The following PI4KB variants were observed in gnomAD, a reference collection of about 807,000 sequenced individuals.
PI4KB encodes PtdIns 4-kinase beta.
Under a neutral mutation model 81.4 loss-of-function variants are expected in PI4KB, and 23 were observed. That is an observed-to-expected ratio of 0.28 (90% CI 0.20 to 0.40). The LOEUF (loss-of-function observed/expected upper bound fraction) is 0.40, where lower values mean the gene tolerates loss of function less well. Among genes scored for constraint, PI4KB ranks in the 10% least tolerant of loss-of-function variants. The pLI is 1.00. For synonymous variants in PI4KB, 381 were observed against 406.8 expected, an observed-to-expected ratio of 0.94 and a Z score of 0.76; for missense variants, 651 against 1,036.6, an observed-to-expected ratio of 0.63 and a Z score of 5.11.
chr1:151,295,326 G>C (rs1246273519), intron 9 of PI4KB, among the ~76,000 whole-genome samples: 1 of 152,198 alleles, frequency 6.6e-6, no homozygotes, highest in Non-Finnish European at 1.5e-5. Context: ...CTTCTCTGGG[G>C]TTGGTTTGGC....
Position 151,327,353 on chromosome 1 carries a change from C to T in PI4KB, c.-111G>A, listed in dbSNP as rs913456071. On this transcript the variant is annotated 5_prime_UTR_variant, in exon 1 of 12. Transcript: ENST00000368873. Reference sequence around the variant, plus strand: ...CCGCCTCAGCAGCAGCGACCGCTCCCGGGTTCCATTGGCCGCCTGCGCTTC... The same window carrying T: ...CCGCCTCAGCAGCAGCGACCGCTCCTGGGTTCCATTGGCCGCCTGCGCTTC... 1 of 397,692 alleles carries T rather than the reference C, an allele frequency of 2.5e-6. No individual in the cohort carries two copies. Among genetic ancestry groups the T allele is most frequent in the East Asian group, 3.6e-5 (1 of 27,814 alleles). The allele number at this position is 397,692 out of a possible 1,614,324, so 24.6% of individuals were successfully genotyped here.
At chr1:151,317,224 T>C (rs1648104259) in intron 1 of PI4KB, among the ~76,000 whole-genome samples, 3 of 150,496 alleles carry the variant, frequency 2.0e-5, no homozygotes, top group Admixed American at 2.0e-4. Context: ...ATTGCAACCT[T>C]GACCTCCTGG....
At chr1:151,316,868 G>A (rs1648041603) in intron 1 of PI4KB, among the ~76,000 whole-genome samples, 1 of 152,320 alleles carries the variant, frequency 6.6e-6, no homozygotes. Context: ...TGTCACCCAG[G>A]CTGGAGTGCA....
At chr1:151,307,459 T>C (rs1695868324) in intron 4 of PI4KB, 115 bp downstream of exon 4, 1 of 669,226 alleles carries the variant, frequency 1.5e-6, no homozygotes, top group Admixed American at 2.3e-5. Flanking sequence ...CATCATGAAC[T>C]ATGAAGGGAG....
chr1:151,299,391 GA>G (rs1323926087), intron 8 of PI4KB, among the ~76,000 whole-genome samples: 1 of 152,044 alleles, frequency 6.6e-6, no homozygotes, highest in Non-Finnish European at 1.5e-5. Context: ...CAAATAATAA[GA>G]AAAAAGAGGC....
chr1:151,304,662 T>C (rs1695599183), intron 5 of PI4KB, among the ~76,000 whole-genome samples: 2 of 148,684 alleles, frequency 1.3e-5, no homozygotes, highest in African/African-American at 5.0e-5. Flanking sequence ...TGTTTTTGTT[T>C]TGTTTTGTTT....
rs12077958 is a variant in PI4KB, at chr1:151,303,799, C to T, written c.1411-149G>A. On this transcript the variant is annotated intron_variant, in intron 5 of 11. Transcript: ENST00000368873. ...GTTGGTTACTGGGACCCCAGGCTGC[C>T]CAGAGCAGCATTTCTCAACATGTGA... 2.4e-3 allele frequency: 1,542 copies of T among 631,818 alleles called. 23 individuals are homozygous for T. The highest frequency in any genetic ancestry group is 0.024 in the African/African-American group (1,338 of 55,552). 39.1% of individuals were successfully genotyped at this position (631,818 alleles called of 1,614,324 possible).
chr1:151,296,858 C>T (rs1342251818), intron 9 of PI4KB, among the ~76,000 whole-genome samples: 2 of 151,990 alleles, frequency 1.3e-5, no homozygotes, highest in African/African-American at 4.8e-5. Context: ...TCACTGCAAC[C>T]TCCACCTCCC....
intron 1 of PI4KB, among the ~76,000 whole-genome samples, chr1:151,316,820 G>T (rs959598104): frequency 1.3e-5 from 2 of 151,912 alleles, no homozygotes; most frequent in African/African-American, 4.8e-5. Flanking sequence ...TCTTTTTGTT[G>T]TTGTTGTTGT....
rs1451775938 is a variant in PI4KB, at chr1:151,294,051, T to C, written c.2236A>G (p.Lys746Glu). The change falls in exon 11 of 12, where the codon AAG becomes GAG. Residue 746 changes from lysine to glutamate, a missense_variant. This residue lies in a region of PI4KB where 70 missense variants were observed against 108.1 expected (regional missense o/e 0.65). Transcript: ENST00000368873. ...GLIAARKHMDKVVQIVEIMQQ... is the reference protein window; with the variant it reads ...GLIAARKHMDEVVQIVEIMQQ... ...ATGATCTCCACGATCTGCACCACCT[T>C]GTCCATGTGTTTCCGAGCGGCAATC... The C allele has an allele frequency of 1.9e-6, 3 of 1,614,100 alleles. No individual in the cohort carries two copies. The highest frequency in any genetic ancestry group is 2.5e-6 in the Non-Finnish European group (3 of 1,179,996).
intron 5 of PI4KB, among the ~76,000 whole-genome samples, chr1:151,304,783 T>C (rs4971029): frequency 0.78 from 117,318 of 151,214 alleles, 45,749 homozygotes; most frequent in Middle Eastern, 0.83. Context: ...AAGAATCACT[T>C]GCCTCCCGAG....
intron 1 of PI4KB, among the ~76,000 whole-genome samples, chr1:151,319,261 G>A (rs962226734): frequency 3.3e-5 from 5 of 150,770 alleles, no homozygotes; most frequent in Non-Finnish European, 7.4e-5. Flanking sequence ...TCACTTTGAG[G>A]TCAGCAGTTC....
In PI4KB at chr1:151,293,433, A is replaced by T. The variant is rs745546699; in HGVS notation, c.2270-400T>A. 1.3e-5 allele frequency: 16 copies of T among 1,252,770 alleles called. No individual in the cohort carries two copies. In the South Asian group the frequency reaches 2.2e-4, roughly 18 times the overall value. 77.6% of individuals were successfully genotyped at this position (1,252,770 alleles called of 1,614,324 possible). ...TGGGCCACCGTCATCATGGGGCCAG[A>T]TGGGGATGATCCTGAGCAACGGCGA... On this transcript the variant is annotated intron_variant, in intron 11 of 11. Transcript: ENST00000368873.
chr1:151,293,778 C>G, intron 11 of PI4KB: 1 of 476,466 alleles, frequency 2.1e-6, no homozygotes, highest in South Asian at 2.5e-5. Flanking sequence ...CTGTTTTCTC[C>G]CTAAAGATGC....
At chr1:151,293,883 G>A in intron 11 of PI4KB, 135 bp downstream of exon 11, 1 of 946,958 alleles carries the variant, frequency 1.1e-6, no homozygotes, top group Non-Finnish European at 1.6e-6. Flanking sequence ...CAAGGCACTG[G>A]ACCAGAGCTA....
chr1:151,294,621 C>T (rs2101904654), intron 9 of PI4KB, 80 bp from the exon 10 acceptor site: 4 of 1,342,400 alleles, frequency 3.0e-6, no homozygotes, highest in Middle Eastern at 4.6e-4. Context: ...AATACACTGG[C>T]CACATGACAC....
chr1:151,297,530 T>C (rs922071520), intron 9 of PI4KB, among the ~76,000 whole-genome samples: 1 of 151,066 alleles, frequency 6.6e-6, no homozygotes, highest in African/African-American at 2.4e-5. Context: ...TGTGTATGTA[T>C]ATATATAAAT....
In PI4KB at chr1:151,316,149, G is replaced by A; in HGVS notation, c.333C>T (p.Gly111=). The A allele has an allele frequency of 1.2e-6, 2 of 1,614,034 alleles. No individual in the cohort carries two copies. The highest frequency in any genetic ancestry group is 4.5e-5 in the East Asian group (2 of 44,888). Residue 111 remains glycine, a synonymous_variant, in exon 2 of 12, where the codon GGC becomes GGT. Transcript: ENST00000368873. The part of the protein sequence containing the change: ...EDEMGAAVAS[G]TAKGARRRRQ... The stretch of plus-strand genomic sequence containing the variant: ...GCCGTCTTCTTGCTCCTTTGGCTGT[G>A]CCTGAGGCCACAGCGGCCCCCATCT...
intron 1 of PI4KB, among the ~76,000 whole-genome samples, chr1:151,325,172 T>C (rs530022473): frequency 1.3e-5 from 2 of 152,092 alleles, no homozygotes; most frequent in African/African-American, 4.8e-5. Context: ...TTTGTATTTT[T>C]AGTAGAGATG....
Sources: gnomAD v4.1 joint callset for allele counts (sites outside exome capture counted in the v4.1 genomes callset) on GRCh38, gnomAD v4.1.1 for gene constraint, gnomAD v4.1.1 regional missense constraint, MANE v1.5 for transcripts, NCBI Gene and HGNC (gene_info 2026-07-23, HGNC 2026-07-21) for gene names.